Variants in TMEM135 observed in about 807,000 individuals in gnomAD.
The protein encoded by TMEM135 is transmembrane protein 135.
A neutral mutation model predicts 60.3 loss-of-function variants in TMEM135; 30 were observed. That is an observed-to-expected ratio of 0.50 (90% CI 0.37 to 0.68). The LOEUF is 0.68. Among genes scored for constraint, TMEM135 ranks in the 30% least tolerant of loss-of-function variants. TMEM135 has a pLI of 0.00. For missense variants in TMEM135, 468 were observed against 548.8 expected (o/e 0.85, Z 1.47); for synonymous variants, 190 against 186.7 (o/e 1.02, Z -0.14).
chr11:87,123,531 C>G (rs1318844159), intron 4 of TMEM135, among the ~76,000 whole-genome samples: 1 of 152,166 alleles, frequency 6.6e-6, no homozygotes, highest in African/African-American at 2.4e-5. Context: ...TGCAAAGACC[C>G]TATTTCCAAA....
intron 5 of TMEM135, among the ~76,000 whole-genome samples, chr11:87,185,247 G>T (rs1219899731): frequency 1.3e-5 from 2 of 152,034 alleles, no homozygotes; most frequent in East Asian, 3.9e-4. Context: ...CATTTTCCCA[G>T]TCACCTCTCT....
At chr11:87,300,732 A>G (rs1942430831) in intron 7 of TMEM135, among the ~76,000 whole-genome samples, 6 of 152,226 alleles carry the variant, frequency 3.9e-5, no homozygotes, top group Admixed American at 3.9e-4. Flanking sequence ...AACAGCAAAG[A>G]AGATATACAT....
At chr11:87,257,375 C>T (rs373861003) in intron 6 of TMEM135, among the ~76,000 whole-genome samples, 2 of 152,058 alleles carry the variant, frequency 1.3e-5, no homozygotes, top group African/African-American at 2.4e-5. Context: ...AGTTCTGTGT[C>T]GGAGGTAATC....
intron 1 of TMEM135, among the ~76,000 whole-genome samples, chr11:87,045,412 C>T (rs1949787574): frequency 6.6e-6 from 1 of 152,020 alleles, no homozygotes; most frequent in African/African-American, 2.4e-5. Flanking sequence ...CATGTCGCTT[C>T]CAGTTGAGAG....
intron 5 of TMEM135, among the ~76,000 whole-genome samples, chr11:87,205,439 C>T (rs1035461436): frequency 5.3e-5 from 8 of 152,006 alleles, no homozygotes; most frequent in African/African-American, 9.7e-5. Flanking sequence ...CTAAGAAACC[C>T]GCTAGAAGTT....
At chr11:87,041,637 G>A (rs2512498) in intron 1 of TMEM135, among the ~76,000 whole-genome samples, 103,722 of 152,124 alleles carry the variant, frequency 0.68, 36,989 homozygotes, top group African/African-American at 0.88. Flanking sequence ...GTTAAATAGG[G>A]TAATAGTGCA....
chr11:87,190,111 A>C (rs1375928648), intron 5 of TMEM135, among the ~76,000 whole-genome samples: 1 of 152,156 alleles, frequency 6.6e-6, no homozygotes, highest in Non-Finnish European at 1.5e-5. Flanking sequence ...AATCTCATAT[A>C]CTTTATTTAA....
At chr11:87,276,989 T>G (rs577304553) in intron 6 of TMEM135, among the ~76,000 whole-genome samples, 2 of 151,472 alleles carry the variant, frequency 1.3e-5, no homozygotes, top group South Asian at 4.2e-4. Context: ...AAAAAATAAT[T>G]TAATATTTAT....
At chr11:87,140,163 G>A (rs1938223861) in intron 4 of TMEM135, among the ~76,000 whole-genome samples, 1 of 152,034 alleles carries the variant, frequency 6.6e-6, no homozygotes, top group African/African-American at 2.4e-5. Flanking sequence ...TACCTCCCAG[G>A]TTCAAGCAAT....
chr11:87,102,737 TATGTATATATGTATATATAC>T (rs1857492384), intron 4 of TMEM135, among the ~76,000 whole-genome samples: 2 of 145,252 alleles, frequency 1.4e-5, no homozygotes, highest in South Asian at 4.2e-4. Flanking sequence ...TGTATATATA[TATGTATATATGTATATATAC>T]AGCATGAAAT....
chr11:87,064,443 A>C (rs2135132242), intron 1 of TMEM135, among the ~76,000 whole-genome samples: 1 of 152,304 alleles, frequency 6.6e-6, no homozygotes, highest in Non-Finnish European at 1.5e-5. Flanking sequence ...TGCCATTGAT[A>C]CAGTCAAAAT....
chr11:87,180,116 A>G (rs1939477450), intron 5 of TMEM135, among the ~76,000 whole-genome samples: 1 of 152,004 alleles, frequency 6.6e-6, no homozygotes. Context: ...TCTGTGTGGA[A>G]CATCACTGTT....
At chr11:87,038,315 GT>G in intron 1 of TMEM135, 129 bp downstream of exon 1, 1 of 829,000 alleles carries the variant, frequency 1.2e-6, no homozygotes, top group Non-Finnish European at 1.8e-6. Flanking sequence ...GGGTCGGAGT[GT>G]TTTGGGGGGT....
chr11:87,272,778 T>C (rs981823884), intron 6 of TMEM135, among the ~76,000 whole-genome samples: 1 of 152,246 alleles, frequency 6.6e-6, no homozygotes, highest in Non-Finnish European at 1.5e-5. Flanking sequence ...ACTGTAATGA[T>C]TCTGATTGAT....
chr11:87,258,207 A>C (rs762178012), intron 6 of TMEM135, among the ~76,000 whole-genome samples: 1 of 142,434 alleles, frequency 7.0e-6, no homozygotes, highest in Non-Finnish European at 1.5e-5. Flanking sequence ...TTTTTTTTTC[A>C]GTTGGAATCA....
intron 6 of TMEM135, among the ~76,000 whole-genome samples, chr11:87,246,365 A>G (rs1456284145): frequency 4.6e-5 from 7 of 150,690 alleles, no homozygotes; most frequent in East Asian, 3.9e-4. Flanking sequence ...TCTTTGTGGC[A>G]TTCTCTGTAT....
At chr11:87,173,240 GA>G (rs1379601285) in intron 5 of TMEM135, among the ~76,000 whole-genome samples, 1 of 152,160 alleles carries the variant, frequency 6.6e-6, no homozygotes, top group African/African-American at 2.4e-5. Flanking sequence ...ATGCCTAGTA[GA>G]ATGCCAGGAA....
At chr11:87,107,866 A>G (rs1857638956) in intron 4 of TMEM135, among the ~76,000 whole-genome samples, 1 of 152,198 alleles carries the variant, frequency 6.6e-6, no homozygotes, top group African/African-American at 2.4e-5. Context: ...GAACTAGTTT[A>G]CAGTCCCACC....
At position 87,325,800 on chromosome 11, in the gene TMEM135, A is replaced by C. The variant is rs1321647452; in HGVS notation, c.*4467A>C. On this transcript the variant is annotated 3_prime_UTR_variant, in exon 15 of 15. Coordinates refer to ENST00000305494, the MANE Select transcript of TMEM135 (RefSeq NM_022918.4). ...TGTTTCTCTGTATGTGAAGCCTTTA[A>C]ATCCAGAACAATTAATTTCTTCTCT... 2.2e-6 allele frequency: 1 copy of C among 453,826 alleles called. No individual in the cohort carries two copies. The highest frequency in any genetic ancestry group is 4.4e-6 in the Non-Finnish European group (1 of 226,758). The allele number at this position is 453,826 out of a possible 1,614,324, so 28.1% of individuals were successfully genotyped here.
Sources: gnomAD v4.1 joint callset for allele counts (sites outside exome capture counted in the v4.1 genomes callset) on GRCh38, gnomAD v4.1.1 for gene constraint, MANE v1.5 for transcripts, NCBI Gene and HGNC (gene_info 2026-07-23, HGNC 2026-07-21) for gene names.